Variants in ALCAM observed in about 807,000 individuals in gnomAD.
The protein encoded by ALCAM is CD166 antigen.
Under a neutral mutation model 70.9 loss-of-function variants are expected in ALCAM, and 30 were observed. The observed-to-expected ratio is 0.42, with a 90% CI of 0.32 to 0.57. The LOEUF (loss-of-function observed/expected upper bound fraction) is 0.57, where lower values mean the gene tolerates loss of function less well. ALCAM is among the 20% of genes least tolerant of loss of function. ALCAM has a pLI of 0.11. For missense variants in ALCAM, 591 were observed against 695.1 expected (o/e 0.85, Z 1.68); for synonymous variants, 249 against 242.5 (o/e 1.03, Z -0.25).
chr3:105,419,312 C>T (rs147877265), intron 1 of ALCAM, among the ~76,000 whole-genome samples: 52 of 151,808 alleles, frequency 3.4e-4, no homozygotes, highest in Admixed American at 5.3e-4. Flanking sequence ...TTCAGATTGA[C>T]GCCACTTCTT....
chr3:105,528,735 G>C (rs1939768748), intron 3 of ALCAM, among the ~76,000 whole-genome samples: 1 of 152,114 alleles, frequency 6.6e-6, no homozygotes. Flanking sequence ...TTCAGAGGGA[G>C]GAGGGTAGGA....
chr3:105,478,858 G>C (rs1938193043), intron 1 of ALCAM, among the ~76,000 whole-genome samples: 1 of 152,096 alleles, frequency 6.6e-6, no homozygotes, highest in African/African-American at 2.4e-5. Flanking sequence ...CATGAATGAT[G>C]ATTTAGAGTT....
At chr3:105,477,110 A>G (rs1423436651) in intron 1 of ALCAM, among the ~76,000 whole-genome samples, 1 of 151,814 alleles carries the variant, frequency 6.6e-6, no homozygotes, top group African/African-American at 2.4e-5. Context: ...GTCCAATTAA[A>G]CCTCTTTTTC....
chr3:105,469,822 G>A (rs887082363), intron 1 of ALCAM, among the ~76,000 whole-genome samples: 11 of 150,588 alleles, frequency 7.3e-5, no homozygotes, highest in African/African-American at 2.4e-4. Flanking sequence ...CAAACATTTA[G>A]GACCCAATTG....
At position 105,534,652 on chromosome 3, in the gene ALCAM, AT is replaced by A; in HGVS notation, c.548-7del. 1 of 1,612,648 alleles carries A rather than the reference AT, an allele frequency of 6.2e-7. No individual in the cohort carries two copies. The highest frequency in any genetic ancestry group is 1.1e-5 in the South Asian group (1 of 91,058). On this transcript the variant is annotated splice_polypyrimidine_tract_variant and intron_variant, in intron 5 of 15. Transcript: ENST00000306107. Reference sequence around the variant, plus strand: ...AAAGACCCTATCATCAGTGTTCTTTATTTTCTTCAGCGGTGGTCATAATTTT... The same window carrying A: ...AAAGACCCTATCATCAGTGTTCTTTATTTCTTCAGCGGTGGTCATAATTTT...
At position 105,547,660 on chromosome 3, in the gene ALCAM, G is replaced by T. The variant is rs1940285803; in HGVS notation, c.1374+137G>T. The T allele has an allele frequency of 4.8e-6, 5 of 1,040,106 alleles. No individual in the cohort carries two copies. In the East Asian group the frequency reaches 1.3e-4, roughly 27 times the overall value. 64.4% of individuals were successfully genotyped at this position (1,040,106 alleles called of 1,614,324 possible). On this transcript the variant is annotated intron_variant, in intron 11 of 15. Transcript: ENST00000306107. ...GTTGGTTTGTTACCACATAGAATTT[G>T]CAGTACATGCTCAGAGGAAGCTTTT...
chr3:105,442,499 C>T lies in ALCAM; in HGVS notation c.73+75018C>T, dbSNP rs546935796. On this transcript the variant is annotated intron_variant, in intron 1 of 15. Coordinates refer to ENST00000306107, the MANE Select transcript of ALCAM (RefSeq NM_001627.4). Reference sequence around the variant, plus strand: ...GTTACTCATAAAAAATGAGTAAATTCGGCCAGGCGCGGTGGCTCACGCCTG... The same window carrying T: ...GTTACTCATAAAAAATGAGTAAATTTGGCCAGGCGCGGTGGCTCACGCCTG... Among the ~76,000 whole-genome samples the T allele has an allele frequency of 4.6e-5, 7 of 152,080 alleles. No homozygotes were observed. The East Asian group carries it at 7.7e-4, about 17-fold the overall frequency.
chr3:105,534,370 ACAT>A (rs1223290380), intron 5 of ALCAM, among the ~76,000 whole-genome samples: 3 of 152,148 alleles, frequency 2.0e-5, no homozygotes, highest in African/African-American at 7.2e-5. Context: ...GATTTTTTAA[ACAT>A]CATTTTCAGC....
At chr3:105,461,293 A>C (rs76411680) in intron 1 of ALCAM, among the ~76,000 whole-genome samples, 1 of 151,802 alleles carries the variant, frequency 6.6e-6, no homozygotes, top group African/African-American at 2.4e-5. Context: ...TGTTCGTTCA[A>C]TGTCACATGA....
intron 9 of ALCAM, among the ~76,000 whole-genome samples, chr3:105,545,907 G>A (rs575274548): frequency 6.6e-6 from 1 of 151,326 alleles, no homozygotes; most frequent in African/African-American, 2.4e-5. Context: ...CTGGATCAAG[G>A]GCTCCTAGAA....
At chr3:105,568,097 G>T (rs1576246696) in intron 14 of ALCAM, among the ~76,000 whole-genome samples, 1 of 128,326 alleles carries the variant, frequency 7.8e-6, no homozygotes, top group African/African-American at 2.9e-5. Flanking sequence ...GTCTTGCTCT[G>T]TCACCTAGGC....
intron 12 of ALCAM, among the ~76,000 whole-genome samples, chr3:105,551,457 A>G (rs1303843731): frequency 6.6e-6 from 1 of 151,634 alleles, no homozygotes; most frequent in African/African-American, 2.4e-5. Context: ...ATGTATGAGG[A>G]GAGGTCCGGG....
intron 14 of ALCAM, among the ~76,000 whole-genome samples, chr3:105,559,166 G>GTA (rs906061038): frequency 1.4e-5 from 2 of 147,124 alleles, no homozygotes; most frequent in Admixed American, 6.8e-5. Context: ...TAAAATAAAT[G>GTA]TATATATATT....
chr3:105,431,161 A>G (rs60073537), intron 1 of ALCAM, among the ~76,000 whole-genome samples: 1 of 150,550 alleles, frequency 6.6e-6, no homozygotes, highest in Admixed American at 6.6e-5. Flanking sequence ...AAAAAAGAGG[A>G]GACATGGTAT....
rs80141798 is a variant in ALCAM, at chr3:105,415,212, A to C, written c.73+47731A>C. ...ACCTCAATTTGCTTTCTCTGTAAAC[A>C]TAATTACTTGCTTTCATCCCTTTGG... On this transcript the variant is annotated intron_variant, in intron 1 of 15. Transcript: ENST00000306107. Among the ~76,000 whole-genome samples the C allele has an allele frequency of 2.0e-3, 302 of 152,296 alleles. 1 individual carries two copies. Among genetic ancestry groups the C allele is most frequent in the African/African-American group, 6.9e-3 (288 of 41,586 alleles).
rs558296892 is a variant in ALCAM, at chr3:105,554,999, C to A, written c.1664+2414C>A. ...AATAAATGTTAAATTCTTGGAGCACCCCCAACATCCAGTATCTCATCAGAC... is the reference window on the plus strand; with the variant it reads ...AATAAATGTTAAATTCTTGGAGCACACCCAACATCCAGTATCTCATCAGAC... On this transcript the variant is annotated intron_variant, in intron 14 of 15. Transcript: ENST00000306107. 9.8e-4 allele frequency among the ~76,000 whole-genome samples: 148 copies of A among 151,780 alleles called. 1 individual carries two copies. Among genetic ancestry groups the A allele is most frequent in the Middle Eastern group, 3.4e-3 (1 of 294 alleles).
chr3:105,406,373 G>A (rs1936232648), intron 1 of ALCAM, among the ~76,000 whole-genome samples: 1 of 152,136 alleles, frequency 6.6e-6, no homozygotes, highest in Admixed American at 6.6e-5. Context: ...TAAGGCCCAG[G>A]AAAGGCCTAG....
At chr3:105,573,515 T>C (rs771417030) in intron 15 of ALCAM, among the ~76,000 whole-genome samples, 28 of 152,352 alleles carry the variant, frequency 1.8e-4, no homozygotes, top group Non-Finnish European at 3.1e-4. Context: ...TGTATCCATG[T>C]ATCTATATGC....
chr3:105,502,465 G>T (rs534486471), intron 1 of ALCAM, among the ~76,000 whole-genome samples: 8 of 152,266 alleles, frequency 5.3e-5, no homozygotes, highest in African/African-American at 1.9e-4. Context: ...TCCCAGAGCC[G>T]GGGCATTTGA....
Sources: gnomAD v4.1 joint callset for allele counts (sites outside exome capture counted in the v4.1 genomes callset) on GRCh38, gnomAD v4.1.1 for gene constraint, MANE v1.5 for transcripts, NCBI Gene and HGNC (gene_info 2026-07-23, HGNC 2026-07-21) for gene names.